Variants in FNIP1 observed in about 807,000 individuals in gnomAD.
FNIP1 encodes folliculin interacting protein 1, also known as folliculin-interacting protein 1.
A neutral mutation model predicts 124.5 loss-of-function variants in FNIP1; 40 were observed. That is an observed-to-expected ratio of 0.32 (90% CI 0.25 to 0.42). The LOEUF (loss-of-function observed/expected upper bound fraction) is 0.42, where lower values mean the gene tolerates loss of function less well. Among genes scored for constraint, FNIP1 ranks in the 10% least tolerant of loss-of-function variants. The probability of loss-of-function intolerance (pLI) is 1.00; values close to 1 mark genes in which losing one functional copy is unlikely to be tolerated. For missense variants in FNIP1, 1,176 were observed against 1,403.7 expected, an observed-to-expected ratio of 0.84 and a Z score of 2.59; for synonymous variants, 472 against 470.6, an observed-to-expected ratio of 1.00 and a Z score of -0.04.
intron 1 of FNIP1, among the ~76,000 whole-genome samples, chr5:131,775,247 C>T (rs1393627664): frequency 6.6e-6 from 1 of 152,038 alleles, no homozygotes; most frequent in African/African-American, 2.4e-5. Flanking sequence ...TACTAGAAGA[C>T]AACAGAGCTT....
At chr5:131,688,670 C>T (rs1196036422) in intron 11 of FNIP1, among the ~76,000 whole-genome samples, 1 of 132,920 alleles carries the variant, frequency 7.5e-6, no homozygotes, top group Non-Finnish European at 1.6e-5. Flanking sequence ...GATGGAAAGT[C>T]ATTTAAAAAA....
chr5:131,671,836 A>G lies in FNIP1; in HGVS notation c.2608T>C (p.Ser870Pro), dbSNP rs1273842715. ...TTATTTTTTGTACACAATATTTTTG[A>G]AAACTCTAACATACAGCAATGGTCT... ...SKDHCCMLEFSKILCTKNNKQ... is the reference protein window; with the variant it reads ...SKDHCCMLEFPKILCTKNNKQ... The change falls in exon 14 of 18, where the codon TCA (serine) becomes CCA (proline). Residue 870 changes from serine to proline, a missense_variant. Coordinates refer to ENST00000510461, the MANE Select transcript of FNIP1 (RefSeq NM_133372.3). 2 of 1,613,916 alleles carry G rather than the reference A, an allele frequency of 1.2e-6. No homozygotes were observed. The highest frequency in any genetic ancestry group is 2.2e-5 in the East Asian group (1 of 44,890).
chr5:131,736,119 A>G (rs1469911605), intron 2 of FNIP1, among the ~76,000 whole-genome samples: 2 of 152,198 alleles, frequency 1.3e-5, no homozygotes, highest in Non-Finnish European at 2.9e-5. Flanking sequence ...AGGGGCTAAC[A>G]TAATTGAAGT....
chr5:131,699,080 A>AGTCACATATTTACACAACGCTC, intron 10 of FNIP1, 78 bp from the exon 11 acceptor site: 1 of 1,103,936 alleles, frequency 9.1e-7, no homozygotes. Context: ...TTTTAGACAG[A>AGTCACATATTTACACAACGCTC]GTCACATATT....
intron 1 of FNIP1, among the ~76,000 whole-genome samples, chr5:131,769,073 C>T (rs909826290): frequency 3.3e-5 from 5 of 151,928 alleles, no homozygotes; most frequent in Non-Finnish European, 5.9e-5. Flanking sequence ...ATATGGGATA[C>T]AAACAGAAAA....
intron 15 of FNIP1, among the ~76,000 whole-genome samples, chr5:131,665,672 C>A (rs1354724563): frequency 6.6e-6 from 1 of 150,608 alleles, no homozygotes; most frequent in Non-Finnish European, 1.5e-5. Flanking sequence ...TCACAGCAAC[C>A]TCTGCCTCCC....
At chr5:131,670,105 A>G (rs2149513907) in intron 15 of FNIP1, among the ~76,000 whole-genome samples, 1 of 152,328 alleles carries the variant, frequency 6.6e-6, no homozygotes. Context: ...AATACACAAA[A>G]GCCAACCCCA....
chr5:131,722,578 T>C (rs1379863572), intron 3 of FNIP1, among the ~76,000 whole-genome samples: 1 of 152,250 alleles, frequency 6.6e-6, no homozygotes, highest in Non-Finnish European at 1.5e-5. Flanking sequence ...TATCTTAAAT[T>C]GTCCTATTAT....
intron 3 of FNIP1, among the ~76,000 whole-genome samples, chr5:131,725,968 T>A (rs1010923487): frequency 6.6e-6 from 1 of 152,232 alleles, no homozygotes; most frequent in Non-Finnish European, 1.5e-5. Context: ...ATTTTTGTCA[T>A]TGGTTCTGTT....
intron 15 of FNIP1, among the ~76,000 whole-genome samples, chr5:131,665,573 AATATATATATAT>A (rs559618794): frequency 6.7e-6 from 1 of 149,488 alleles, no homozygotes; most frequent in Non-Finnish European, 1.5e-5. Flanking sequence ...AGGATTAAAA[AATATATATATAT>A]ATAGATAGGT....
chr5:131,742,690 A>G (rs925815492), intron 2 of FNIP1, among the ~76,000 whole-genome samples: 2 of 152,274 alleles, frequency 1.3e-5, no homozygotes, highest in African/African-American at 4.8e-5. Context: ...TTACTTTCAT[A>G]CAGCAAACTG....
At chr5:131,744,745 T>TCCCTCTCCCTCTCCCTC in intron 1 of FNIP1, 55 bp from the exon 2 acceptor site, 4 of 1,421,628 alleles carry the variant, frequency 2.8e-6, no homozygotes, top group Non-Finnish European at 3.8e-6. Context: ...TTAATAAATA[T>TCCCTCTCCCTCTCCCTC]TCCATATACA....
chr5:131,750,160 C>T (rs997464903), intron 1 of FNIP1, among the ~76,000 whole-genome samples: 29 of 151,854 alleles, frequency 1.9e-4, no homozygotes, highest in African/African-American at 6.3e-4. Flanking sequence ...GATAGGTATA[C>T]GGAACAAAAG....
At position 131,704,181 on chromosome 5, in the gene FNIP1, C is replaced by A; in HGVS notation, c.1000G>T (p.Val334Leu). Reference sequence around the variant, plus strand: ...TCATCTTTGGACAATGAAAAGATTACCCCAATTGCAATCTTCTTTTTCCGC... The same window carrying A: ...TCATCTTTGGACAATGAAAAGATTAACCCAATTGCAATCTTCTTTTTCCGC... ...IVRKKKIAIG[V>L]IFSLSKDEDE... Residue 334 changes from valine to leucine, a missense_variant, in exon 10 of 18, where the codon GTA (valine) becomes TTA (leucine). Around this residue, in one of 2 missense-constraint regions of FNIP1, gnomAD observed 1,109 missense variants for 1,288.5 expected, o/e 0.86. Coordinates refer to ENST00000510461, the MANE Select transcript of FNIP1 (RefSeq NM_133372.3). The A allele has an allele frequency of 2.5e-6, 4 of 1,613,406 alleles. No homozygotes were observed. Among genetic ancestry groups the A allele is most frequent in the Non-Finnish European group, 3.4e-6 (4 of 1,179,498 alleles).
At chr5:131,716,040 G>A (rs1769457114) in intron 6 of FNIP1, among the ~76,000 whole-genome samples, 1 of 152,196 alleles carries the variant, frequency 6.6e-6, no homozygotes, top group Non-Finnish European at 1.5e-5. Flanking sequence ...ACTTTAAAAT[G>A]TGGTACTTAA....
intron 15 of FNIP1, among the ~76,000 whole-genome samples, chr5:131,653,416 G>GT (rs908439527): frequency 2.0e-5 from 3 of 152,158 alleles, no homozygotes; most frequent in Admixed American, 1.3e-4. Flanking sequence ...GCAGATGCCT[G>GT]TAATCCCAGC....
chr5:131,758,594 A>G (rs1450012085), intron 1 of FNIP1, among the ~76,000 whole-genome samples: 1 of 152,224 alleles, frequency 6.6e-6, no homozygotes, highest in Non-Finnish European at 1.5e-5. Flanking sequence ...GTTGGTAAGA[A>G]AACTATTCAG....
intron 2 of FNIP1, among the ~76,000 whole-genome samples, chr5:131,735,413 C>T (rs1249527961): frequency 2.0e-5 from 3 of 150,750 alleles, no homozygotes; most frequent in Admixed American, 1.3e-4. Context: ...AGATATGTAA[C>T]AAACCTGCAC....
Position 131,714,816 on chromosome 5 carries a change from A to G in FNIP1, c.622+1749T>C, listed in dbSNP as rs147614484. Reference sequence around the variant, plus strand: ...CTGCTTTTAACTCTAAGAATTTACTATAGTATACTGTAATTGTTGTATTAC... The same window carrying G: ...CTGCTTTTAACTCTAAGAATTTACTGTAGTATACTGTAATTGTTGTATTAC... On this transcript the variant is annotated intron_variant, in intron 6 of 17. Transcript: ENST00000510461. 9.3e-4 allele frequency among the ~76,000 whole-genome samples: 141 copies of G among 152,282 alleles called. 1 individual carries two copies. Among genetic ancestry groups the G allele is most frequent in the Admixed American group, 3.1e-3 (47 of 15,294 alleles).
Sources: gnomAD v4.1 joint callset for allele counts (sites outside exome capture counted in the v4.1 genomes callset) on GRCh38, gnomAD v4.1.1 for gene constraint, gnomAD v4.1.1 regional missense constraint, MANE v1.5 for transcripts, NCBI Gene and HGNC (gene_info 2026-07-23, HGNC 2026-07-21) for gene names.